The following CARMIL1 variants were observed in gnomAD, a reference collection of about 807,000 sequenced individuals.
CARMIL1 encodes the protein F-actin-uncapping protein LRRC16A.
CARMIL1 carries 90 observed loss-of-function variants against 177.1 expected under a neutral mutation model. The observed-to-expected ratio is 0.51, with a 90% CI of 0.43 to 0.61. The LOEUF is 0.61. Among genes scored for constraint, CARMIL1 ranks in the 20% least tolerant of loss-of-function variants. CARMIL1 has a pLI of 0.00. For synonymous variants in CARMIL1, 577 were observed against 606.2 expected (o/e 0.95, Z 0.71); for missense variants, 1,380 against 1,667.0 (o/e 0.83, Z 3.00).
rs1419026366 is a variant in CARMIL1 at position 25,465,856 on chromosome 6, G to C, written c.615-17G>C. 1 of 1,561,906 alleles carries C rather than the reference G, an allele frequency of 6.4e-7. No homozygotes were observed. The highest frequency in any genetic ancestry group is 8.8e-7 in the Non-Finnish European group (1 of 1,133,358). On this transcript the variant is annotated splice_polypyrimidine_tract_variant and intron_variant, in intron 8 of 36. Coordinates refer to ENST00000329474, the MANE Select transcript of CARMIL1 (RefSeq NM_017640.6). ...CTGTAGGAGCACTTTCATGTACTTT[G>C]TTGTTTCTGCTTCCAGGGACCTAAT...
intron 36 of CARMIL1, among the ~76,000 whole-genome samples, chr6:25,614,376 T>G (rs912374781): frequency 2.6e-5 from 4 of 152,234 alleles, no homozygotes; most frequent in Admixed American, 6.5e-5. Flanking sequence ...CCTTTACTTT[T>G]ATAGAGTATC....
At chr6:25,470,981 T>A (rs1161291196) in intron 9 of CARMIL1, among the ~76,000 whole-genome samples, 188 bp from the exon 10 acceptor site, 1 of 152,242 alleles carries the variant, frequency 6.6e-6, no homozygotes, top group Non-Finnish European at 1.5e-5. Context: ...AGGCCGGGAC[T>A]TTCTCCTTTA....
At chr6:25,568,408 G>C (rs1421108588) in intron 29 of CARMIL1, among the ~76,000 whole-genome samples, 1 of 152,192 alleles carries the variant, frequency 6.6e-6, no homozygotes, top group African/African-American at 2.4e-5. Flanking sequence ...GGACCACATG[G>C]TGCTCTATTC....
chr6:25,469,536 G>A (rs1355557249), intron 9 of CARMIL1, among the ~76,000 whole-genome samples: 2 of 152,104 alleles, frequency 1.3e-5, no homozygotes, highest in Non-Finnish European at 1.5e-5. Context: ...ATCACTTTGT[G>A]TGTGTGTGTG....
intron 2 of CARMIL1, among the ~76,000 whole-genome samples, chr6:25,365,942 T>A (rs1482319757): frequency 6.6e-6 from 1 of 150,648 alleles, no homozygotes; most frequent in African/African-American, 2.4e-5. Flanking sequence ...ATGTGTAGAT[T>A]TTTGTTGATC....
chr6:25,430,989 C>T (rs1428456967), intron 4 of CARMIL1, among the ~76,000 whole-genome samples: 3 of 151,888 alleles, frequency 2.0e-5, no homozygotes, highest in African/African-American at 7.3e-5. Flanking sequence ...AGAGGTCTAC[C>T]AATTTTTTTT....
intron 2 of CARMIL1, among the ~76,000 whole-genome samples, chr6:25,296,675 G>A (rs1013881031): frequency 1.3e-5 from 2 of 152,150 alleles, no homozygotes; most frequent in African/African-American, 4.8e-5. Context: ...GTGGCCAGGA[G>A]AAGTCCAGGC....
chr6:25,439,800 C>T (rs1232035622), intron 5 of CARMIL1, among the ~76,000 whole-genome samples: 1 of 152,060 alleles, frequency 6.6e-6, no homozygotes, highest in Non-Finnish European at 1.5e-5. Flanking sequence ...ATGTAGCTAG[C>T]GCACTCTGAG....
intron 2 of CARMIL1, among the ~76,000 whole-genome samples, chr6:25,325,408 A>G (rs1004151719): frequency 1.2e-4 from 18 of 152,140 alleles, no homozygotes; most frequent in African/African-American, 4.1e-4. Context: ...GGAAAAGACA[A>G]TTTGCTTGCA....
chr6:25,525,326 A>G (rs1381259781), intron 23 of CARMIL1, among the ~76,000 whole-genome samples: 1 of 152,218 alleles, frequency 6.6e-6, no homozygotes, highest in African/African-American at 2.4e-5. Context: ...AGTGGAGTGA[A>G]CTATTTAAAG....
At chr6:25,304,527 A>G (rs1402348757) in intron 2 of CARMIL1, among the ~76,000 whole-genome samples, 1 of 152,158 alleles carries the variant, frequency 6.6e-6, no homozygotes, top group East Asian at 1.9e-4. Context: ...CTTCCCTCGC[A>G]TGTGCAGTTC....
chr6:25,482,306 G>A lies in CARMIL1; in HGVS notation c.924G>A (p.Lys308=). The A allele has an allele frequency of 6.3e-7, 1 of 1,588,314 alleles. No homozygotes were observed. Among genetic ancestry groups the A allele is most frequent in the African/African-American group, 1.4e-5 (1 of 73,768 alleles). The change falls in exon 12 of 37, where the codon AAG becomes AAA. Residue 308 remains lysine, a synonymous_variant. Transcript: ENST00000329474. ...IQFAKLPKGL[K]HLNLSKTSLS... The stretch of plus-strand genomic sequence containing the variant: ...TTGCCAAACTCCCAAAGGGATTAAA[G>A]CACTTAAATTTATCTAAAACCTCAT...
At chr6:25,507,818 TTG>T (rs1805065177) in intron 17 of CARMIL1, among the ~76,000 whole-genome samples, 1 of 152,212 alleles carries the variant, frequency 6.6e-6, no homozygotes, top group African/African-American at 2.4e-5. Flanking sequence ...AAAAATCAAA[TTG>T]TTTTTTGAGA....
At chr6:25,280,271 C>T (rs1345417322) in intron 1 of CARMIL1, among the ~76,000 whole-genome samples, 1 of 152,148 alleles carries the variant, frequency 6.6e-6, no homozygotes, top group Non-Finnish European at 1.5e-5. Context: ...GGCGAGCGCA[C>T]AGTAGGTCGT....
At chr6:25,587,110 C>A (rs1047220891) in intron 31 of CARMIL1, among the ~76,000 whole-genome samples, 1 of 151,896 alleles carries the variant, frequency 6.6e-6, no homozygotes, top group Admixed American at 6.6e-5. Flanking sequence ...AAAAATTTAA[C>A]CTTAGATCAA....
At chr6:25,503,133 A>G (rs1804573783) in intron 17 of CARMIL1, among the ~76,000 whole-genome samples, 1 of 152,186 alleles carries the variant, frequency 6.6e-6, no homozygotes, top group South Asian at 2.1e-4. Context: ...TTAATCTCCG[A>G]TGATGAGCTT....
At chr6:25,285,912 C>A (rs148581730) in intron 2 of CARMIL1, among the ~76,000 whole-genome samples, 10 of 152,156 alleles carry the variant, frequency 6.6e-5, no homozygotes, top group Non-Finnish European at 1.2e-4. Flanking sequence ...CAGTCTGTTG[C>A]CCAGGCTGGA....
In CARMIL1 at chr6:25,556,892, G is replaced by T. The variant is rs760348799; in HGVS notation, c.2742+42G>T. 5.1e-6 allele frequency: 8 copies of T among 1,560,096 alleles called. No individual in the cohort carries two copies. The East Asian group carries it at 1.8e-4, about 35-fold the overall frequency. Reference sequence around the variant, plus strand: ...GGTGGTACCGTTACCCTTTTCACTGGACTGTGCCATTGTTTTTTTTTTTTT... The same window carrying T: ...GGTGGTACCGTTACCCTTTTCACTGTACTGTGCCATTGTTTTTTTTTTTTT... On this transcript the variant is annotated intron_variant, in intron 29 of 36. Coordinates refer to ENST00000329474, the MANE Select transcript of CARMIL1 (RefSeq NM_017640.6).
Position 25,619,438 on chromosome 6 carries a change from T to C in CARMIL1, c.3980-9T>C. The C allele has an allele frequency of 6.2e-7, 1 of 1,608,268 alleles. No individual in the cohort carries two copies. The highest frequency in any genetic ancestry group is 8.5e-7 in the Non-Finnish European group (1 of 1,177,990). The stretch of plus-strand genomic sequence containing the variant: ...TCAGTAAACTGTGCGACTTCCCTTT[T>C]TATTTCAGTTTCAAGGAGAAGCTGG... On this transcript the variant is annotated splice_polypyrimidine_tract_variant and intron_variant, in intron 36 of 36. Transcript: ENST00000329474.
Sources: allele counts gnomAD v4.1 joint callset (sites outside exome capture counted in the v4.1 genomes callset), GRCh38; gene constraint gnomAD v4.1.1; transcripts MANE v1.5; gene names NCBI Gene and HGNC (gene_info 2026-07-23, HGNC 2026-07-21).